CAMK4: variants seen among roughly 807,000 people sequenced by gnomAD.
CAMK4 encodes calcium/calmodulin-dependent protein kinase type IV.
In CAMK4, 22 loss-of-function variants were observed where a neutral mutation model predicts 44.9. The observed-to-expected ratio is 0.49, with a 90% CI of 0.35 to 0.70. The LOEUF is 0.70. Among genes scored for constraint, CAMK4 ranks in the 30% least tolerant of loss-of-function variants. CAMK4 has a pLI of 0.01. For missense variants in CAMK4, 498 were observed against 586.8 expected (o/e 0.85, Z 1.56); for synonymous variants, 218 against 215.4 (o/e 1.01, Z -0.11).
At chr5:111,418,774 T>A (rs1190378883) in intron 5 of CAMK4, among the ~76,000 whole-genome samples, 5 of 152,132 alleles carry the variant, frequency 3.3e-5, no homozygotes, top group Non-Finnish European at 7.4e-5. Context: ...ACATGAAGTC[T>A]TCATTTTTTA....
At chr5:111,295,948 G>A (rs1181634034) in intron 1 of CAMK4, among the ~76,000 whole-genome samples, 2 of 152,218 alleles carry the variant, frequency 1.3e-5, no homozygotes, top group African/African-American at 4.8e-5. Context: ...GTTGAACATA[G>A]TGAACTTCTT....
At chr5:111,274,589 G>A (rs1213781789) in intron 1 of CAMK4, among the ~76,000 whole-genome samples, 2 of 152,122 alleles carry the variant, frequency 1.3e-5, no homozygotes, top group Admixed American at 1.3e-4. Context: ...TATCTCCAGG[G>A]TGGATTTGGA....
At chr5:111,301,652 C>T (rs79649042) in intron 1 of CAMK4, among the ~76,000 whole-genome samples, 1 of 152,260 alleles carries the variant, frequency 6.6e-6, no homozygotes, top group East Asian at 1.9e-4. Flanking sequence ...AAAATGAATT[C>T]TATTTTCCCA....
chr5:111,287,101 C>T (rs1183313870), intron 1 of CAMK4, among the ~76,000 whole-genome samples: 1 of 152,182 alleles, frequency 6.6e-6, no homozygotes, highest in Non-Finnish European at 1.5e-5. Flanking sequence ...AATGGCCTTA[C>T]TGAAACTTTT....
At chr5:111,371,499 A>T (rs1366793746) in intron 2 of CAMK4, among the ~76,000 whole-genome samples, 3 of 152,164 alleles carry the variant, frequency 2.0e-5, no homozygotes, top group Non-Finnish European at 4.4e-5. Flanking sequence ...TTGTAATCTT[A>T]CTTTAGGAAG....
At chr5:111,230,556 A>AT (rs1748419727) in intron 1 of CAMK4, among the ~76,000 whole-genome samples, 1 of 135,752 alleles carries the variant, frequency 7.4e-6, no homozygotes, top group African/African-American at 3.1e-5. Context: ...ATAACTCCAG[A>AT]TTTTGGGGGA....
At chr5:111,391,159 G>GA (rs1751782019) in intron 4 of CAMK4, among the ~76,000 whole-genome samples, 2 of 152,110 alleles carry the variant, frequency 1.3e-5, no homozygotes, top group Admixed American at 6.6e-5. Context: ...CTACACTTAG[G>GA]AAAAACTGCT....
intron 1 of CAMK4, among the ~76,000 whole-genome samples, chr5:111,280,290 A>G (rs1427091987): frequency 6.6e-6 from 1 of 152,230 alleles, no homozygotes; most frequent in Admixed American, 6.5e-5. Flanking sequence ...GCTTTAGCGA[A>G]TTACAGATTT....
intron 8 of CAMK4, among the ~76,000 whole-genome samples, chr5:111,475,540 T>C (rs1302522985): frequency 1.3e-5 from 2 of 152,240 alleles, no homozygotes; most frequent in Non-Finnish European, 2.9e-5. Context: ...TATCCCCTAG[T>C]CCATTACCAA....
At chr5:111,393,565 T>G (rs765144745) in intron 4 of CAMK4, among the ~76,000 whole-genome samples, 36 of 152,070 alleles carry the variant, frequency 2.4e-4, no homozygotes, top group Non-Finnish European at 4.6e-4. Flanking sequence ...AGAAATGAGA[T>G]CATGTCCTAT....
At chr5:111,348,344 T>A (rs1401847431) in intron 2 of CAMK4, among the ~76,000 whole-genome samples, 5 of 152,004 alleles carry the variant, frequency 3.3e-5, no homozygotes, top group Non-Finnish European at 4.4e-5. Context: ...CACCAGCTCT[T>A]GTGGAGAAAT....
intron 1 of CAMK4, among the ~76,000 whole-genome samples, chr5:111,306,786 G>T (rs1454821973): frequency 4.2e-5 from 2 of 48,138 alleles, no homozygotes; most frequent in Non-Finnish European, 7.8e-5. Context: ...AGCCCGCATT[G>T]CCAAGTCAAT....
intron 1 of CAMK4, among the ~76,000 whole-genome samples, chr5:111,227,528 T>G (rs545690336): frequency 3.9e-5 from 6 of 152,322 alleles, no homozygotes; most frequent in Non-Finnish European, 7.3e-5. Flanking sequence ...TAGTGACTCC[T>G]GATTGCAAGA....
chr5:111,443,540 C>G (rs1016068081), intron 5 of CAMK4, among the ~76,000 whole-genome samples: 2 of 151,498 alleles, frequency 1.3e-5, no homozygotes, highest in Admixed American at 6.6e-5. Context: ...GTATTTTTCT[C>G]TAAACTTTCC....
intron 2 of CAMK4, among the ~76,000 whole-genome samples, chr5:111,346,846 A>AACAAACAAAC (rs1749893388): frequency 8.6e-6 from 1 of 116,838 alleles, no homozygotes; most frequent in Non-Finnish European, 1.8e-5. Flanking sequence ...AACAAACAAA[A>AACAAACAAAC]ACACTAACAC....
At chr5:111,243,839 A>G (rs989355156) in intron 1 of CAMK4, among the ~76,000 whole-genome samples, 2 of 152,210 alleles carry the variant, frequency 1.3e-5, no homozygotes, top group South Asian at 2.1e-4. Flanking sequence ...TCTTGTGCCT[A>G]TAGCTGCACG....
chr5:111,264,831 T>C (rs1750159130), intron 1 of CAMK4, among the ~76,000 whole-genome samples: 1 of 152,112 alleles, frequency 6.6e-6, no homozygotes, highest in Non-Finnish European at 1.5e-5. Flanking sequence ...TTCCCCTGTT[T>C]CCCTGAGGTC....
intron 1 of CAMK4, among the ~76,000 whole-genome samples, chr5:111,328,932 A>G (rs1749027838): frequency 6.6e-6 from 1 of 151,946 alleles, no homozygotes; most frequent in Admixed American, 6.6e-5. Context: ...GGGGTTTTGT[A>G]GATGTACAAT....
intron 7 of CAMK4, among the ~76,000 whole-genome samples, chr5:111,471,542 C>T (rs1477661545): frequency 6.6e-5 from 10 of 152,298 alleles, no homozygotes; most frequent in Non-Finnish European, 1.2e-4. Flanking sequence ...GTTCTTGCTT[C>T]AATTTTAGCA....
Sources: allele counts gnomAD v4.1 joint callset (sites outside exome capture counted in the v4.1 genomes callset), GRCh38; gene constraint gnomAD v4.1.1; transcripts MANE v1.5; gene names NCBI Gene and HGNC (gene_info 2026-07-23, HGNC 2026-07-21).